Variants in GRM5 observed in about 807,000 individuals in gnomAD.
GRM5 encodes the protein metabotropic glutamate receptor 5.
In GRM5, 19 loss-of-function variants were observed where a neutral mutation model predicts 83.1. The observed-to-expected ratio is 0.23, with a 90% CI of 0.16 to 0.34. The LOEUF is 0.34. GRM5 is among the 10% of genes least tolerant of loss of function. The probability of loss-of-function intolerance (pLI) is 1.00; values close to 1 mark genes in which losing one functional copy is unlikely to be tolerated. For missense variants in GRM5, 1,160 were observed against 1,588.3 expected, an observed-to-expected ratio of 0.73 and a Z score of 4.58; for synonymous variants, 675 against 633.6, an observed-to-expected ratio of 1.07 and a Z score of -0.98.
intron 2 of GRM5, among the ~76,000 whole-genome samples, chr11:88,962,517 T>TATTCATTTAGTCACTGATTC (rs1202202339): frequency 6.6e-6 from 1 of 152,224 alleles, no homozygotes; most frequent in Non-Finnish European, 1.5e-5. Context: ...TCTGTTGATT[T>TATTCATTTAGTCACTGATTC]ATTCATTTAG....
At chr11:88,642,610 A>G (rs1565167585) in intron 4 of GRM5, among the ~76,000 whole-genome samples, 1 of 152,148 alleles carries the variant, frequency 6.6e-6, no homozygotes, top group Non-Finnish European at 1.5e-5. Context: ...CCCACATCTG[A>G]GCACAGACAG....
At chr11:89,006,825 A>AT (rs1420467103) in intron 2 of GRM5, among the ~76,000 whole-genome samples, 1 of 152,000 alleles carries the variant, frequency 6.6e-6, no homozygotes, top group Non-Finnish European at 1.5e-5. Context: ...TTTGAGACAG[A>AT]TTCTCTCTGT....
intron 8 of GRM5, among the ~76,000 whole-genome samples, chr11:88,560,328 G>GAATTTACTACT (rs1942726504): frequency 6.6e-6 from 1 of 151,994 alleles, no homozygotes; most frequent in South Asian, 2.1e-4. Context: ...CTACCTTTGG[G>GAATTTACTACT]TCCTTCTGTT....
Position 88,624,135 on chromosome 11 carries a change from T to G in GRM5, c.1148-19171A>C, listed in dbSNP as rs936023402. On this transcript the variant is annotated intron_variant, in intron 4 of 9. Coordinates refer to ENST00000305447, the MANE Select transcript of GRM5 (RefSeq NM_001143831.3). ...CCTATAGTCCAAGAGAATTACATTA[T>G]TCAACTTTATATCAAAGTAGAACCA... 1.7e-4 allele frequency among the ~76,000 whole-genome samples: 26 copies of G among 152,334 alleles called. 1 individual carries two copies. Among genetic ancestry groups the G allele is most frequent in the African/African-American group, 6.0e-4 (25 of 41,574 alleles).
intron 2 of GRM5, among the ~76,000 whole-genome samples, chr11:88,942,191 G>T (rs1179781204): frequency 6.6e-6 from 1 of 151,980 alleles, no homozygotes; most frequent in Non-Finnish European, 1.5e-5. Context: ...TTCTCAGGCT[G>T]TGTCAGAAAA....
At position 88,918,715 on chromosome 11, in the gene GRM5, T is replaced by C. The variant is rs567467567; in HGVS notation, c.662-68560A>G. Among the ~76,000 whole-genome samples, 345 of 151,640 alleles carry C rather than the reference T, an allele frequency of 2.3e-3. 3 individuals carry two copies. The highest frequency in any genetic ancestry group is 7.7e-3 in the African/African-American group (318 of 41,448). ...TAAAGACATACATAGTATAAGAAGA[T>C]ATAAATAGAAACAACAAAAAGTTAA... is the stretch of plus-strand genomic sequence containing the variant. On this transcript the variant is annotated intron_variant, in intron 2 of 9. Coordinates refer to ENST00000305447, the MANE Select transcript of GRM5 (RefSeq NM_001143831.3).
At chr11:88,709,108 T>C (rs912128301) in intron 3 of GRM5, among the ~76,000 whole-genome samples, 11 of 152,056 alleles carry the variant, frequency 7.2e-5, no homozygotes, top group African/African-American at 2.7e-4. Flanking sequence ...GAGAAGTCCC[T>C]GGACTTCTGG....
chr11:88,637,043 T>G (rs1387381269), intron 4 of GRM5, among the ~76,000 whole-genome samples: 1 of 152,134 alleles, frequency 6.6e-6, no homozygotes, highest in Non-Finnish European at 1.5e-5. Context: ...GGGCTCTTTT[T>G]TGGTTCCATA....
intron 3 of GRM5, among the ~76,000 whole-genome samples, chr11:88,791,775 A>G (rs992851134): frequency 6.6e-6 from 1 of 152,158 alleles, no homozygotes; most frequent in African/African-American, 2.4e-5. Context: ...CAGTATTGAA[A>G]TGAAATCAAT....
intron 2 of GRM5, among the ~76,000 whole-genome samples, chr11:89,038,205 G>A (rs773017187): frequency 7.9e-5 from 12 of 151,530 alleles, no homozygotes; most frequent in Non-Finnish European, 1.5e-4. Context: ...ATGTAACATT[G>A]GGCTGAAATC....
At chr11:88,761,354 T>A (rs72643317) in intron 3 of GRM5, among the ~76,000 whole-genome samples, 11,547 of 152,008 alleles carry the variant, frequency 0.076, 754 homozygotes, top group African/African-American at 0.18. Flanking sequence ...TCATCAAAAT[T>A]TTAGGCTACA....
chr11:88,987,232 C>G (rs1939754024), intron 2 of GRM5, among the ~76,000 whole-genome samples: 1 of 152,082 alleles, frequency 6.6e-6, no homozygotes, highest in African/African-American at 2.4e-5. Context: ...CTTTCCTAGT[C>G]AAAGAAAGGG....
intron 1 of GRM5, among the ~76,000 whole-genome samples, chr11:89,058,235 T>C (rs1412344533): frequency 1.3e-5 from 2 of 152,194 alleles, no homozygotes; most frequent in Non-Finnish European, 2.9e-5. Flanking sequence ...CTCTGTTTCC[T>C]AGCATCATTT....
chr11:88,769,307 G>A (rs756983174), intron 3 of GRM5, among the ~76,000 whole-genome samples: 15 of 152,076 alleles, frequency 9.9e-5, no homozygotes, highest in Admixed American at 2.6e-4. Context: ...GATATAGATC[G>A]TTACATGTAG....
chr11:88,730,639 C>A (rs980765918), intron 3 of GRM5, among the ~76,000 whole-genome samples: 3 of 151,904 alleles, frequency 2.0e-5, no homozygotes, highest in African/African-American at 7.3e-5. Flanking sequence ...CAATGATAGA[C>A]TAGATAAAAA....
intron 6 of GRM5, among the ~76,000 whole-genome samples, chr11:88,595,817 G>T (rs1315746573): frequency 6.6e-6 from 1 of 152,022 alleles, no homozygotes; most frequent in Non-Finnish European, 1.5e-5. Context: ...CTCTGTACCT[G>T]TTGCTGCTCA....
chr11:89,013,980 C>A (rs184943893), intron 2 of GRM5, among the ~76,000 whole-genome samples: 94 of 152,274 alleles, frequency 6.2e-4, no homozygotes, highest in African/African-American at 2.1e-3. Context: ...AGACTTGAAT[C>A]TTTAAGGCTT....
At chr11:88,606,253 T>G (rs1833365919) in intron 4 of GRM5, among the ~76,000 whole-genome samples, 1 of 152,236 alleles carries the variant, frequency 6.6e-6, no homozygotes, top group Non-Finnish European at 1.5e-5. Flanking sequence ...CTAGGAGCGG[T>G]GGCTCACGCC....
chr11:89,006,479 A>T (rs1411791967), intron 2 of GRM5, among the ~76,000 whole-genome samples: 1 of 152,116 alleles, frequency 6.6e-6, no homozygotes, highest in East Asian at 1.9e-4. Flanking sequence ...AGGCTGAAGA[A>T]CCTAAATGCA....
Sources: allele counts gnomAD v4.1 joint callset (sites outside exome capture counted in the v4.1 genomes callset), GRCh38; gene constraint gnomAD v4.1.1; transcripts MANE v1.5; gene names NCBI Gene and HGNC (gene_info 2026-07-23, HGNC 2026-07-21).